KCNQ3: variants seen among roughly 807,000 people sequenced by gnomAD.
The protein encoded by KCNQ3 is potassium voltage-gated channel subfamily KQT member 3.
In KCNQ3, 30 loss-of-function variants were observed where a neutral mutation model predicts 92.5. The ratio of observed to expected loss-of-function variants is 0.32; its 90% confidence interval spans 0.24 to 0.44. The LOEUF (loss-of-function observed/expected upper bound fraction) is 0.44, where lower values mean the gene tolerates loss of function less well. Ranked by LOEUF, KCNQ3 falls within the 20% of genes least tolerant of loss-of-function variation. The pLI, the probability that KCNQ3 is intolerant of heterozygous loss-of-function variation, is 1.00. For missense variants in KCNQ3, 913 were observed against 1,140.3 expected (o/e 0.80, Z 2.87); for synonymous variants, 450 against 468.8 (o/e 0.96, Z 0.52).
intron 1 of KCNQ3, among the ~76,000 whole-genome samples, chr8:132,329,783 T>C (rs1208841259): frequency 6.6e-6 from 1 of 152,214 alleles, no homozygotes; most frequent in Admixed American, 6.5e-5. Flanking sequence ...GCAGCTTGAT[T>C]ATCCAGGCCT....
chr8:132,293,664 C>A (rs1225163348), intron 1 of KCNQ3, among the ~76,000 whole-genome samples: 1 of 152,112 alleles, frequency 6.6e-6, no homozygotes, highest in Non-Finnish European at 1.5e-5. Context: ...ATAGGGGAGG[C>A]AGGTCTTCAG....
chr8:132,330,213 C>T (rs535235260), intron 1 of KCNQ3, among the ~76,000 whole-genome samples: 9 of 152,274 alleles, frequency 5.9e-5, no homozygotes, highest in Admixed American at 2.0e-4. Context: ...AGAACCCAAA[C>T]GAGGCAAGGA....
intron 1 of KCNQ3, among the ~76,000 whole-genome samples, chr8:132,215,331 G>T (rs1312384396): frequency 1.3e-5 from 2 of 152,226 alleles, no homozygotes; most frequent in South Asian, 2.1e-4. Flanking sequence ...ATGGAAGAGA[G>T]AAAAATATTT....
chr8:132,174,398 C>T lies in KCNQ3; in HGVS notation c.934-49G>A, dbSNP rs1418064714. The T allele has an allele frequency of 4.4e-6, 6 of 1,370,342 alleles. No homozygotes were observed. The Admixed American group carries it at 1.2e-4, about 27-fold the overall frequency. 84.9% of individuals were successfully genotyped at this position (1,370,342 alleles called of 1,614,324 possible). A position where few individuals can be genotyped will look rare whatever the true frequency, so the allele number is the denominator to read the frequency against. On this transcript the variant is annotated intron_variant, in intron 5 of 14. Coordinates refer to ENST00000388996, the MANE Select transcript of KCNQ3 (RefSeq NM_004519.4). ...TGGAGTACCACATGGAGAGGAATAT[C>T]AGGAACGTGTTAACTGAGCTCTACC...
chr8:132,450,175 G>A (rs1256843099), intron 1 of KCNQ3, among the ~76,000 whole-genome samples: 1 of 152,114 alleles, frequency 6.6e-6, no homozygotes, highest in Non-Finnish European at 1.5e-5. Flanking sequence ...TGCTGGCTGG[G>A]GTGGCCAGCT....
intron 1 of KCNQ3, among the ~76,000 whole-genome samples, chr8:132,392,877 C>A (rs1181536450): frequency 6.6e-6 from 1 of 150,574 alleles, no homozygotes; most frequent in Non-Finnish European, 1.5e-5. Context: ...TTTTAGTCCA[C>A]AGCACTTTTC....
chr8:132,322,868 G>A (rs917330290), intron 1 of KCNQ3, among the ~76,000 whole-genome samples: 12 of 152,322 alleles, frequency 7.9e-5, no homozygotes, highest in Non-Finnish European at 1.3e-4. Context: ...ACCCATCTGA[G>A]AATAGAGAGC....
intron 13 of KCNQ3, among the ~76,000 whole-genome samples, chr8:132,133,909 G>C (rs895536517): frequency 6.6e-6 from 1 of 152,218 alleles, no homozygotes; most frequent in Non-Finnish European, 1.5e-5. Flanking sequence ...TGTCCTGGGA[G>C]GGGTATCAAT....
chr8:132,408,974 CA>C (rs1303940024), intron 1 of KCNQ3, among the ~76,000 whole-genome samples: 1 of 152,188 alleles, frequency 6.6e-6, no homozygotes, highest in Admixed American at 6.5e-5. Context: ...GTGGAGAACA[CA>C]GCTATACCAT....
intron 1 of KCNQ3, among the ~76,000 whole-genome samples, chr8:132,413,198 A>G (rs1040048511): frequency 2.6e-5 from 4 of 152,250 alleles, no homozygotes; most frequent in East Asian, 3.9e-4. Flanking sequence ...TCTACCCAAC[A>G]CCTTCAGTGG....
At chr8:132,341,773 A>T (rs1818534673) in intron 1 of KCNQ3, among the ~76,000 whole-genome samples, 1 of 152,340 alleles carries the variant, frequency 6.6e-6, no homozygotes, top group East Asian at 1.9e-4. Flanking sequence ...TGTGGAAAAA[A>T]GAGACATTCA....
intron 9 of KCNQ3, among the ~76,000 whole-genome samples, chr8:132,156,394 C>T (rs193233634): frequency 9.2e-5 from 14 of 152,210 alleles, no homozygotes; most frequent in Non-Finnish European, 1.5e-4. Context: ...AGTAGTCTGA[C>T]TCTGGACTCT....
intron 1 of KCNQ3, among the ~76,000 whole-genome samples, chr8:132,440,351 CA>C (rs1227350063): frequency 6.6e-6 from 1 of 152,308 alleles, no homozygotes; most frequent in South Asian, 2.1e-4. Context: ...TGCTGTCCTT[CA>C]TGGCGCTGAC....
In KCNQ3 at chr8:132,129,138, A is replaced by G. The variant is rs1478216371; in HGVS notation, c.*124T>C. On this transcript the variant is annotated 3_prime_UTR_variant, in exon 15 of 15. Transcript: ENST00000388996. The surrounding 1 kb of genome is among the most constrained non-coding windows in gnomAD (Gnocchi z 5.9). Reference sequence around the variant, plus strand: ...GGGAAGCCCCTGCCTGGGTGGGGCCACCACGCACACGCATGCATTTGATGC... The same window carrying G: ...GGGAAGCCCCTGCCTGGGTGGGGCCGCCACGCACACGCATGCATTTGATGC... The G allele has an allele frequency of 8.3e-7, 1 of 1,208,540 alleles. No homozygotes were observed. Among genetic ancestry groups the G allele is most frequent in the East Asian group, 2.4e-5 (1 of 42,510 alleles). The allele number at this position is 1,208,540 out of a possible 1,614,324, so 74.9% of individuals were successfully genotyped here.
chr8:132,296,840 C>T (rs1408184611), intron 1 of KCNQ3, among the ~76,000 whole-genome samples: 2 of 151,852 alleles, frequency 1.3e-5, no homozygotes, highest in African/African-American at 2.4e-5. Flanking sequence ...AATAGTGCCG[C>T]AATAAACATA....
intron 1 of KCNQ3, among the ~76,000 whole-genome samples, chr8:132,387,272 T>G (rs905825637): frequency 6.6e-6 from 1 of 152,208 alleles, no homozygotes; most frequent in Non-Finnish European, 1.5e-5. Context: ...AAGTTTCCAA[T>G]GGGAGTCATT....
In KCNQ3 at chr8:132,268,429, T is replaced by C. The variant is rs571016254; in HGVS notation, c.387-82248A>G. Among the ~76,000 whole-genome samples, 7 of 152,220 alleles carry C rather than the reference T, an allele frequency of 4.6e-5. No individual in the cohort carries two copies. The South Asian group carries it at 8.3e-4, about 18-fold the overall frequency. ...ATGTGTCATCACACCTGGCTAAATT[T>C]TGTATTTTTAGTAGAGACGAGGTGT... On this transcript the variant is annotated intron_variant, in intron 1 of 14. Coordinates refer to ENST00000388996, the MANE Select transcript of KCNQ3 (RefSeq NM_004519.4).
chr8:132,313,836 T>C (rs1334285518), intron 1 of KCNQ3, among the ~76,000 whole-genome samples: 3 of 152,186 alleles, frequency 2.0e-5, no homozygotes, highest in Non-Finnish European at 4.4e-5. Context: ...CTACCTCCAG[T>C]AACACAGGTA....
intron 1 of KCNQ3, among the ~76,000 whole-genome samples, chr8:132,445,997 C>G (rs1300230304): frequency 6.6e-6 from 1 of 152,186 alleles, no homozygotes; most frequent in African/African-American, 2.4e-5. Context: ...TTGCACAATG[C>G]TGGGCACAGA....
Sources: gnomAD v4.1 joint callset for allele counts (sites outside exome capture counted in the v4.1 genomes callset) on GRCh38, gnomAD v4.1.1 for gene constraint, Gnocchi (gnomAD v3.1) non-coding constraint, MANE v1.5 for transcripts, NCBI Gene and HGNC (gene_info 2026-07-23, HGNC 2026-07-21) for gene names.